Variants in CDYL observed in about 807,000 individuals in gnomAD.
CDYL encodes the protein chromodomain Y like.
A neutral mutation model predicts 47.3 loss-of-function variants in CDYL; 8 were observed. That is an observed-to-expected ratio of 0.17 (90% CI 0.10 to 0.31). The LOEUF is 0.31. Ranked by LOEUF, CDYL falls within the 10% of genes least tolerant of loss-of-function variation. The pLI is 1.00. For missense variants in CDYL, 471 were observed against 701.4 expected (o/e 0.67, Z 3.71); for synonymous variants, 266 against 265.0 (o/e 1.00, Z -0.04).
At chr6:4,867,406 T>C (rs1049972412) in intron 1 of CDYL, among the ~76,000 whole-genome samples, 1 of 152,176 alleles carries the variant, frequency 6.6e-6, no homozygotes, top group East Asian at 1.9e-4. Context: ...CCTGGGATCT[T>C]TGGGGAAACA....
chr6:4,739,954 A>G (rs1381398110), intron 3 of CDYL, among the ~76,000 whole-genome samples: 1 of 152,186 alleles, frequency 6.6e-6, no homozygotes, highest in East Asian at 1.9e-4. Context: ...ACTCTGTCTC[A>G]AAACAAAAAG....
chr6:4,769,925 T>A (rs971218058), intron 3 of CDYL, among the ~76,000 whole-genome samples: 1 of 151,528 alleles, frequency 6.6e-6, no homozygotes, highest in South Asian at 2.1e-4. Context: ...GCCTCCCAAG[T>A]AGCGGGGACT....
chr6:4,817,429 C>T (rs1227363853), intron 1 of CDYL, among the ~76,000 whole-genome samples: 6 of 142,184 alleles, frequency 4.2e-5, no homozygotes, highest in Admixed American at 1.3e-4. Flanking sequence ...TCACTCCCAC[C>T]GGCAGTACCT....
At chr6:4,816,338 A>G (rs896784847) in intron 1 of CDYL, among the ~76,000 whole-genome samples, 8 of 151,816 alleles carry the variant, frequency 5.3e-5, no homozygotes, top group Non-Finnish European at 1.0e-4. Flanking sequence ...TGTAAGTAGT[A>G]AAGGGGTTGC....
At chr6:4,825,114 G>T (rs182205215) in intron 1 of CDYL, among the ~76,000 whole-genome samples, 23 of 152,168 alleles carry the variant, frequency 1.5e-4, no homozygotes, top group African/African-American at 5.3e-4. Context: ...CAGGTGATCC[G>T]CCAGCCTCGG....
At chr6:4,947,547 C>T (rs906401726) in intron 5 of CDYL, among the ~76,000 whole-genome samples, 7 of 152,278 alleles carry the variant, frequency 4.6e-5, no homozygotes, top group Non-Finnish European at 8.8e-5. Flanking sequence ...AGTGTTAGCA[C>T]GTGGACGGCT....
chr6:4,815,694 AC>A (rs1759654557), intron 1 of CDYL, among the ~76,000 whole-genome samples: 2 of 57,194 alleles, frequency 3.5e-5, no homozygotes, highest in African/African-American at 7.6e-5. Context: ...TTTTTTTTTT[AC>A]CTTTTTTTTT....
At position 4,900,807 on chromosome 6, in the gene CDYL, A is replaced by ATC. The variant is rs1561697619; in HGVS notation, c.691+8429_691+8430insCT. Among the ~76,000 whole-genome samples, 42 of 87,916 alleles carry ATC rather than the reference A, an allele frequency of 4.8e-4. 5 individuals are homozygous for ATC. The highest frequency in any genetic ancestry group is 2.0e-3 in the African/African-American group (40 of 20,148). 57.7% of individuals were successfully genotyped at this position (87,916 alleles called of 152,430 possible). A position where few individuals can be genotyped will look rare whatever the true frequency, so the allele number is the denominator to read the frequency against. On this transcript the variant is annotated intron_variant, in intron 2 of 6. Transcript: ENST00000397588. ...TATATATATATATATATATATATAT[A>ATC]TATATATATATATATATATATATCT...
At chr6:4,882,928 C>T (rs1229928514) in intron 1 of CDYL, among the ~76,000 whole-genome samples, 1 of 152,168 alleles carries the variant, frequency 6.6e-6, no homozygotes, top group Non-Finnish European at 1.5e-5. Context: ...TTGCCGTCCA[C>T]TCCACTGCTC....
intron 2 of CDYL, among the ~76,000 whole-genome samples, chr6:4,933,991 A>G (rs967307053): frequency 2.6e-5 from 4 of 152,206 alleles, no homozygotes; most frequent in African/African-American, 9.6e-5. Flanking sequence ...CCATTCTAAG[A>G]TATTGTGGAA....
intron 1 of CDYL, among the ~76,000 whole-genome samples, chr6:4,858,977 C>T (rs796511074): frequency 6.6e-5 from 10 of 152,352 alleles, no homozygotes; most frequent in African/African-American, 2.4e-4. Flanking sequence ...GCAGGGGTCT[C>T]TGCTCATTCT....
intron 1 of CDYL, among the ~76,000 whole-genome samples, chr6:4,850,016 C>A (rs1254523206): frequency 1.3e-5 from 2 of 152,112 alleles, no homozygotes; most frequent in African/African-American, 2.4e-5. Context: ...AACTCTGGAA[C>A]CTGTTTTCTC....
At chr6:4,898,014 C>T (rs879332216) in intron 2 of CDYL, among the ~76,000 whole-genome samples, 3 of 151,544 alleles carry the variant, frequency 2.0e-5, no homozygotes, top group Non-Finnish European at 1.5e-5. Context: ...GCCGAGATCA[C>T]GCCACTGCAC....
chr6:4,837,495 T>A (rs1008585011), intron 1 of CDYL, among the ~76,000 whole-genome samples: 3 of 150,816 alleles, frequency 2.0e-5, no homozygotes, highest in African/African-American at 4.9e-5. Context: ...GACAGAGTCT[T>A]GCTCTGTCGC....
At chr6:4,724,472 G>C (rs753011756) in intron 2 of CDYL, 2 of 152,660 alleles carry the variant, frequency 1.3e-5, no homozygotes, top group South Asian at 4.1e-4. Flanking sequence ...ACCTGCTCGC[G>C]TCCGGAATCG....
In CDYL at chr6:4,935,709, G is replaced by A; in HGVS notation, c.886G>A (p.Asp296Asn). The A allele has an allele frequency of 3.1e-6, 5 of 1,614,228 alleles. No homozygotes were observed. The highest frequency in any genetic ancestry group is 4.2e-6 in the Non-Finnish European group (5 of 1,180,038). Residue 296 changes from aspartate (D) to asparagine (N), a missense_variant, in exon 3 of 7, where the codon GAT becomes AAT. By Grantham distance (23) the Asp-to-Asn change is conservative. Around this residue, in one of 3 missense-constraint regions of CDYL, gnomAD observed 103 missense variants for 277.1 expected, o/e 0.37. Coordinates refer to ENST00000397588, the MANE Select transcript of CDYL (RefSeq NM_004824.4). ...RYRDIVVRKQ[D>N]GFTHILLSTK... ...CAGAGATATTGTGGTCAGGAAGCAG[G>A]ATGGCTTCACCCACATCTTGTTATC...
intron 3 of CDYL, among the ~76,000 whole-genome samples, chr6:4,758,588 G>T (rs1218734283): frequency 2.0e-5 from 3 of 150,666 alleles, no homozygotes; most frequent in Non-Finnish European, 3.0e-5. Context: ...GCTTGAACCC[G>T]TGAGGCAGAG....
At position 4,935,778 on chromosome 6, in the gene CDYL, G is replaced by T; in HGVS notation, c.948+7G>T. On this transcript the variant is annotated splice_region_variant and intron_variant, in intron 3 of 6. Transcript: ENST00000397588. Reference sequence around the variant, plus strand: ...TAACTCACTAAATCCAGAGGTGAGAGGCGCTCTTGGGCTGGCGTGGGCTTC... The same window carrying T: ...TAACTCACTAAATCCAGAGGTGAGATGCGCTCTTGGGCTGGCGTGGGCTTC... 1.2e-6 allele frequency: 2 copies of T among 1,612,728 alleles called. No homozygotes were observed. Among genetic ancestry groups the T allele is most frequent in the South Asian group, 2.2e-5 (2 of 91,058 alleles).
intron 2 of CDYL, among the ~76,000 whole-genome samples, chr6:4,729,510 C>G (rs1757568955): frequency 6.6e-6 from 1 of 152,184 alleles, no homozygotes; most frequent in Admixed American, 6.5e-5. Context: ...TTTGTCACAC[C>G]TAGGCATGGA....
Sources: gnomAD v4.1 joint callset for allele counts (sites outside exome capture counted in the v4.1 genomes callset) on GRCh38, gnomAD v4.1.1 for gene constraint, gnomAD v4.1.1 regional missense constraint, MANE v1.5 for transcripts, NCBI Gene and HGNC (gene_info 2026-07-23, HGNC 2026-07-21) for gene names.